DET1: variants seen among roughly 807,000 people sequenced by gnomAD.
The protein encoded by DET1 is DET1 homolog.
DET1 carries 22 observed loss-of-function variants against 43.7 expected under a neutral mutation model. The ratio of observed to expected loss-of-function variants is 0.50; its 90% confidence interval spans 0.36 to 0.72. The LOEUF is 0.72. Ranked by LOEUF, DET1 falls within the 30% of genes least tolerant of loss-of-function variation. The probability of loss-of-function intolerance (pLI) is 0.00; values close to 1 mark genes in which losing one functional copy is unlikely to be tolerated. For synonymous variants in DET1, 315 were observed against 266.2 expected, an observed-to-expected ratio of 1.18 and a Z score of -1.79; for missense variants, 713 against 713.3, an observed-to-expected ratio of 1.00 and a Z score of 0.00.
chr15:88,512,930 A>C lies in DET1; in HGVS notation c.*21T>G. On this transcript the variant is annotated 3_prime_UTR_variant, in exon 5 of 5. Transcript: ENST00000268148. The stretch of plus-strand genomic sequence containing the variant: ...GTGGCAAAGTCTTGGAAGACCAGAT[A>C]ATCTGGCTCTGGTGAGGCACCTACG... 1 of 1,609,398 alleles carries C rather than the reference A, an allele frequency of 6.2e-7. No homozygotes were observed. The highest frequency in any genetic ancestry group is 8.5e-7 in the Non-Finnish European group (1 of 1,176,120).
At chr15:88,545,554 CCT>C (rs1255175478) in intron 1 of DET1, among the ~76,000 whole-genome samples, 2 of 152,108 alleles carry the variant, frequency 1.3e-5, no homozygotes, top group African/African-American at 4.8e-5. Context: ...GTTAGCTGGA[CCT>C]CTCCTCATCA....
rs2056219946 is a variant in DET1, at chr15:88,512,510, T to G, written c.*441A>C. The G allele has an allele frequency of 1.0e-6, 1 of 987,574 alleles. No homozygotes were observed. Among genetic ancestry groups the G allele is most frequent in the African/African-American group, 1.7e-5 (1 of 57,294 alleles). 61.2% of individuals were successfully genotyped at this position (987,574 alleles called of 1,614,324 possible). A position where few individuals can be genotyped will look rare whatever the true frequency, so the allele number is the denominator to read the frequency against. The stretch of plus-strand genomic sequence containing the variant: ...GTATGAAAATACCATGGCTTTATTT[T>G]TCTCTTAAAAAGATAGCCGTGCTTA... On this transcript the variant is annotated 3_prime_UTR_variant, in exon 5 of 5. Transcript: ENST00000268148.
At chr15:88,502,394 T>C (rs2056097189) in intron 8 of DET1, 2 of 151,930 alleles carry the variant, frequency 1.3e-5, no homozygotes, top group Admixed American at 6.6e-5. Flanking sequence ...CTGTCTCTCT[T>C]TTTTTTTAGT....
At chr15:88,544,189 A>T (rs1173308009) in intron 1 of DET1, among the ~76,000 whole-genome samples, 1 of 152,190 alleles carries the variant, frequency 6.6e-6, no homozygotes, top group Non-Finnish European at 1.5e-5. Flanking sequence ...TTAAACATTC[A>T]GTGGAAGCTC....
intron 1 of DET1, among the ~76,000 whole-genome samples, chr15:88,543,243 T>A (rs1354600065): frequency 6.6e-6 from 1 of 152,190 alleles, no homozygotes; most frequent in Non-Finnish European, 1.5e-5. Context: ...AGAGGCTGGA[T>A]CCTGTGGCCT....
intron 3 of DET1, among the ~76,000 whole-genome samples, chr15:88,520,731 C>T (rs546206711): frequency 4.6e-5 from 7 of 152,320 alleles, no homozygotes; most frequent in African/African-American, 1.7e-4. Flanking sequence ...CCCAATGCTA[C>T]CACTCTGATC....
At chr15:88,535,338 G>A (rs776734273) in intron 1 of DET1, among the ~76,000 whole-genome samples, 1 of 150,976 alleles carries the variant, frequency 6.6e-6, no homozygotes, top group Non-Finnish European at 1.5e-5. Flanking sequence ...AACAAAAGAG[G>A]GAAAAAATAA....
intron 1 of DET1, among the ~76,000 whole-genome samples, chr15:88,544,932 G>C (rs2057208692): frequency 6.6e-6 from 1 of 152,150 alleles, no homozygotes; most frequent in South Asian, 2.1e-4. Flanking sequence ...TGTCGACCTT[G>C]TAGCAGGATT....
At position 88,512,758 on chromosome 15, in the gene DET1, G is replaced by A; in HGVS notation, c.*193C>T. The A allele has an allele frequency of 1.5e-6, 2 of 1,330,264 alleles. No homozygotes were observed. The highest frequency in any genetic ancestry group is 9.6e-7 in the Non-Finnish European group (1 of 1,043,374). The allele number at this position is 1,330,264 out of a possible 1,614,324, so 82.4% of individuals were successfully genotyped here. A position where few individuals can be genotyped will look rare whatever the true frequency, so the allele number is the denominator to read the frequency against. On this transcript the variant is annotated 3_prime_UTR_variant, in exon 5 of 5. Coordinates refer to ENST00000268148, the MANE Select transcript of DET1 (RefSeq NM_001144074.3). Reference sequence around the variant, plus strand: ...CAAGAGGATATTATAACAATCAGTAGCAGTATTGTATACAATTTAAAAATT... The same window carrying A: ...CAAGAGGATATTATAACAATCAGTAACAGTATTGTATACAATTTAAAAATT...
At chr15:88,545,529 T>C (rs2057229197) in intron 1 of DET1, among the ~76,000 whole-genome samples, 1 of 152,238 alleles carries the variant, frequency 6.6e-6, no homozygotes, top group South Asian at 2.1e-4. Flanking sequence ...CCTGGCTAAC[T>C]ACTTTAATCA....
At chr15:88,539,966 T>C (rs12912613) in intron 1 of DET1, among the ~76,000 whole-genome samples, 152,010 of 152,184 alleles carry the variant, frequency 1, 75,919 homozygotes, top group Middle Eastern at 1. Flanking sequence ...AACCTACACC[T>C]GTCATGCTTT....
At chr15:88,515,104 G>A (rs2056305002) in intron 4 of DET1, among the ~76,000 whole-genome samples, 1 of 152,006 alleles carries the variant, frequency 6.6e-6, no homozygotes, top group African/African-American at 2.4e-5. Flanking sequence ...GGACATATGG[G>A]TAAATAAGAA....
chr15:88,511,504 C>T, downstream of DET1: 2 of 985,482 alleles, frequency 2.0e-6, no homozygotes, highest in South Asian at 9.4e-5. Flanking sequence ...GGTCATACAA[C>T]ACATTCCCAT....
At chr15:88,522,506 T>C (rs1217857797) in intron 3 of DET1, among the ~76,000 whole-genome samples, 1 of 137,878 alleles carries the variant, frequency 7.3e-6, no homozygotes, top group Non-Finnish European at 1.5e-5. Flanking sequence ...TCTAGGAATG[T>C]TCCTGGTTTT....
chr15:88,506,393 A>T (rs2056141603), intron 7 of DET1, among the ~76,000 whole-genome samples: 1 of 151,516 alleles, frequency 6.6e-6, no homozygotes, highest in South Asian at 2.1e-4. Context: ...CTCCTACACT[A>T]GTAATCAAAC....
At chr15:88,515,412 G>A (rs900755593) in intron 4 of DET1, among the ~76,000 whole-genome samples, 28 of 151,606 alleles carry the variant, frequency 1.8e-4, no homozygotes, top group African/African-American at 5.3e-4. Flanking sequence ...GGTGGTGGGC[G>A]CCTGTAATCC....
At chr15:88,510,216 G>A (rs1349269977), downstream of DET1, among the ~76,000 whole-genome samples, 4 of 152,126 alleles carry the variant, frequency 2.6e-5, no homozygotes, top group African/African-American at 9.7e-5. Context: ...TTCAGAGGTG[G>A]GCAGTTTGAG....
intron 1 of DET1, among the ~76,000 whole-genome samples, chr15:88,532,982 A>G (rs1376563307): frequency 6.6e-6 from 1 of 152,266 alleles, no homozygotes; most frequent in Non-Finnish European, 1.5e-5. Flanking sequence ...AAAGGACACA[A>G]TCAACCGAGT....
downstream of DET1, among the ~76,000 whole-genome samples, chr15:88,508,612 G>T (rs1483907827): frequency 6.6e-6 from 1 of 152,194 alleles, no homozygotes; most frequent in Non-Finnish European, 1.5e-5. Context: ...AATATTGGGA[G>T]GTTGAGGAAA....
Sources: allele counts gnomAD v4.1 joint callset (sites outside exome capture counted in the v4.1 genomes callset), GRCh38; gene constraint gnomAD v4.1.1; transcripts MANE v1.5; gene names NCBI Gene and HGNC (gene_info 2026-07-23, HGNC 2026-07-21).